Variants in CFAP92 observed in about 807,000 individuals in gnomAD.
CFAP92 encodes cilia and flagella associated protein 92 (putative).
CFAP92 carries 86 observed loss-of-function variants against 106.3 expected under a neutral mutation model. The observed-to-expected ratio is 0.81, with a 90% CI of 0.68 to 0.97. The LOEUF (loss-of-function observed/expected upper bound fraction) is 0.97, where lower values mean the gene tolerates loss of function less well. CFAP92 is among the 50% of genes least tolerant of loss of function. The pLI, the probability that CFAP92 is intolerant of heterozygous loss-of-function variation, is 0.00. For synonymous variants in CFAP92, 477 were observed against 506.4 expected (o/e 0.94, Z 0.78); for missense variants, 1,204 against 1,283.8 (o/e 0.94, Z 0.95).
Position 128,915,408 on chromosome 3 carries a change from G to T in CFAP92, c.3072C>A (p.Thr1024=), listed in dbSNP as rs1412961684. The change falls in exon 14 of 16, where the codon ACC becomes ACA. Residue 1024 remains threonine (T), a synonymous_variant. Coordinates refer to ENST00000645291, the MANE Select transcript of CFAP92 (RefSeq NM_001394090.1). ...GCTTGAGATCCTGAAAGCTGCTTTC[G>T]GTGTCGCTCTGAAGACCTGTCACTT... The part of the protein sequence containing the change: ...GFQVTGLQSD[T]ESSFQDLKLP... 1 of 1,536,082 alleles carries T rather than the reference G, an allele frequency of 6.5e-7. No homozygotes were observed. Among genetic ancestry groups the T allele is most frequent in the Non-Finnish European group, 8.7e-7 (1 of 1,146,896 alleles).
intron 4 of CFAP92, 83 bp from the exon 5 acceptor site, chr3:128,978,268 G>C: frequency 6.8e-7 from 1 of 1,467,558 alleles, no homozygotes; most frequent in Non-Finnish European, 9.3e-7. Context: ...ATTTCTTGGA[G>C]ACACTGGGCG....
intron 9 of CFAP92, among the ~76,000 whole-genome samples, chr3:128,962,234 C>T (rs534710943): frequency 6.6e-6 from 1 of 152,304 alleles, no homozygotes; most frequent in Non-Finnish European, 1.5e-5. Context: ...CTTCCGGTAA[C>T]TCTCACAGCG....
chr3:128,928,419 A>G (rs762685026), intron 12 of CFAP92, among the ~76,000 whole-genome samples: 18 of 152,254 alleles, frequency 1.2e-4, no homozygotes, highest in Non-Finnish European at 2.2e-4. Context: ...CTAACTAACT[A>G]TAATTAAAGT....
chr3:128,926,767 G>A (rs1399536968), intron 12 of CFAP92, among the ~76,000 whole-genome samples: 1 of 152,082 alleles, frequency 6.6e-6, no homozygotes, highest in East Asian at 1.9e-4. Context: ...ATAAGGTTGG[G>A]GCCCAGATCT....
chr3:129,007,276 C>T (rs112074832), upstream of CFAP92, among the ~76,000 whole-genome samples: 730 of 152,320 alleles, frequency 4.8e-3, 6 homozygotes, highest in African/African-American at 0.016. Flanking sequence ...CTCAGATGTC[C>T]GTGACTATTG....
At chr3:128,943,110 G>T (rs1215487711) in intron 10 of CFAP92, among the ~76,000 whole-genome samples, 1 of 151,892 alleles carries the variant, frequency 6.6e-6, no homozygotes, top group Non-Finnish European at 1.5e-5. Flanking sequence ...TAGTAGAGAT[G>T]GGGTTTCACT....
At chr3:129,000,603 A>G (rs1944679277) in intron 1 of CFAP92, among the ~76,000 whole-genome samples, 1 of 152,210 alleles carries the variant, frequency 6.6e-6, no homozygotes, top group Non-Finnish European at 1.5e-5. Context: ...CTCTCGTGAA[A>G]AAGAAAGGGA....
At chr3:128,916,390 C>A (rs1936820972) in intron 12 of CFAP92, 119 bp from the exon 13 acceptor site, 2 of 623,272 alleles carry the variant, frequency 3.2e-6, no homozygotes, top group Non-Finnish European at 4.6e-6. Context: ...ATTGATTCTT[C>A]AATACTGGTG....
At chr3:128,932,628 T>A (rs942071968) in intron 12 of CFAP92, 72 bp downstream of exon 12, 1 of 1,407,878 alleles carries the variant, frequency 7.1e-7, no homozygotes, top group African/African-American at 1.4e-5. Context: ...ATATGCCCTA[T>A]GCCTCTCAGC....
At chr3:129,002,266 T>G in intron 1 of CFAP92, 1 of 1,531,084 alleles carries the variant, frequency 6.5e-7, no homozygotes, top group South Asian at 1.2e-5. Context: ...TTGCGCGAGT[T>G]GGTGGAGGAC....
At chr3:128,984,073 G>A (rs1433961316) in intron 4 of CFAP92, among the ~76,000 whole-genome samples, 1 of 152,190 alleles carries the variant, frequency 6.6e-6, no homozygotes, top group South Asian at 2.1e-4. Context: ...CTGGGCACCA[G>A]GTGGGGGTGC....
chr3:128,964,521 G>A (rs1202131634), intron 9 of CFAP92, among the ~76,000 whole-genome samples: 1 of 152,156 alleles, frequency 6.6e-6, no homozygotes, highest in Non-Finnish European at 1.5e-5. Context: ...ATCTCCTGGT[G>A]CTATCCCCAA....
intron 12 of CFAP92, among the ~76,000 whole-genome samples, chr3:128,917,117 T>C (rs1936881281): frequency 6.6e-6 from 1 of 152,114 alleles, no homozygotes; most frequent in Non-Finnish European, 1.5e-5. Context: ...GGATGCAAGG[T>C]AAAGGCAAGT....
intron 1 of CFAP92, among the ~76,000 whole-genome samples, chr3:129,000,384 G>A (rs1028700656): frequency 1.7e-4 from 26 of 152,178 alleles, no homozygotes; most frequent in Admixed American, 1.1e-3. Context: ...GGGATACTGT[G>A]GCAGAGGAGA....
intron 8 of CFAP92, chr3:128,967,156 C>CG: frequency 6.6e-6 from 1 of 152,238 alleles, no homozygotes; most frequent in African/African-American, 2.4e-5. Context: ...TTCCTTTCAA[C>CG]ATGCCTGTAA....
At chr3:128,972,842 C>T (rs963079263) in intron 7 of CFAP92, among the ~76,000 whole-genome samples, 1 of 146,694 alleles carries the variant, frequency 6.8e-6, no homozygotes, top group African/African-American at 2.5e-5. Flanking sequence ...GCTACAAGAG[C>T]GAAACTCAGT....
At chr3:128,959,723 T>C (rs772449501) in intron 9 of CFAP92, among the ~76,000 whole-genome samples, 5 of 152,192 alleles carry the variant, frequency 3.3e-5, no homozygotes, top group Admixed American at 6.5e-5. Flanking sequence ...TGCGGCATAG[T>C]AGGAGACCTC....
At chr3:129,003,991 C>A (rs755150706), upstream of CFAP92, 1 of 1,500,410 alleles carries the variant, frequency 6.7e-7, no homozygotes, top group South Asian at 1.2e-5. Flanking sequence ...GCCTGCACCG[C>A]GTGCGAGAGC....
intron 9 of CFAP92, among the ~76,000 whole-genome samples, chr3:128,962,167 G>A (rs1320499700): frequency 1.3e-5 from 2 of 152,206 alleles, no homozygotes; most frequent in Non-Finnish European, 2.9e-5. Context: ...CTTAGCGGCT[G>A]AAGACTGATG....
Sources: allele counts gnomAD v4.1 joint callset (sites outside exome capture counted in the v4.1 genomes callset), GRCh38; gene constraint gnomAD v4.1.1; transcripts MANE v1.5; gene names NCBI Gene and HGNC (gene_info 2026-07-23, HGNC 2026-07-21).